The following PCDH15 variants were observed in gnomAD, a reference collection of about 807,000 sequenced individuals.
PCDH15 encodes protocadherin-15.
PCDH15 carries 129 observed loss-of-function variants against 178.5 expected under a neutral mutation model. The observed-to-expected ratio is 0.72, with a 90% CI of 0.63 to 0.84. The LOEUF is 0.84. Ranked by LOEUF, PCDH15 falls within the 40% of genes least tolerant of loss-of-function variation. PCDH15 has a pLI of 0.00. For synonymous variants in PCDH15, 800 were observed against 732.0 expected, an observed-to-expected ratio of 1.09 and a Z score of -1.50; for missense variants, 2,230 against 2,099.9, an observed-to-expected ratio of 1.06 and a Z score of -1.21.
At chr10:54,835,459 A>G (rs10430482) in intron 3 of PCDH15, among the ~76,000 whole-genome samples, 23,426 of 152,040 alleles carry the variant, frequency 0.15, 2,266 homozygotes, top group East Asian at 0.22. Flanking sequence ...ACATCCCTAT[A>G]CATATCCATA....
At chr10:54,978,106 CA>C (rs774842084) in intron 2 of PCDH15, among the ~76,000 whole-genome samples, 43 of 151,906 alleles carry the variant, frequency 2.8e-4, no homozygotes, top group Non-Finnish European at 5.4e-4. Context: ...ATATTGATGA[CA>C]AAATATTTTT....
chr10:55,328,450 A>G (rs571478658), intron 2 of PCDH15, among the ~76,000 whole-genome samples: 66 of 151,986 alleles, frequency 4.3e-4, no homozygotes, highest in African/African-American at 1.5e-3. Flanking sequence ...GGCAATTGAA[A>G]CACAATGGTA....
At chr10:55,217,204 C>G (rs117565303) in intron 1 of PCDH15, among the ~76,000 whole-genome samples, 2 of 151,850 alleles carry the variant, frequency 1.3e-5, no homozygotes, top group East Asian at 3.9e-4. Context: ...TTGGTCAACT[C>G]GAAAGAAATT....
chr10:53,825,563 T>C (rs1043600001), intron 32 of PCDH15, among the ~76,000 whole-genome samples: 4 of 151,674 alleles, frequency 2.6e-5, no homozygotes, highest in African/African-American at 7.2e-5. Context: ...AGAAAGTAAA[T>C]ATACAACTAC....
chr10:54,419,484 T>C (rs11004292), intron 3 of PCDH15, among the ~76,000 whole-genome samples: 20,943 of 152,086 alleles, frequency 0.14, 1,541 homozygotes, highest in Middle Eastern at 0.23. Context: ...TTAACTAGAT[T>C]CATTGCTTTA....
chr10:54,238,394 C>T (rs1355646216), intron 8 of PCDH15, among the ~76,000 whole-genome samples: 2 of 151,724 alleles, frequency 1.3e-5, no homozygotes, highest in Admixed American at 6.6e-5. Context: ...TAATTATTGA[C>T]CAATAATTTA....
At chr10:54,689,711 A>C (rs2095081332) in intron 1 of PCDH15, among the ~76,000 whole-genome samples, 1 of 152,238 alleles carries the variant, frequency 6.6e-6, no homozygotes, top group Non-Finnish European at 1.5e-5. Context: ...TACATAGAGC[A>C]GAAGGCAGTG....
At chr10:54,687,533 G>T (rs1433982579) in intron 1 of PCDH15, among the ~76,000 whole-genome samples, 1 of 151,970 alleles carries the variant, frequency 6.6e-6, no homozygotes, top group African/African-American at 2.4e-5. Context: ...GCTTGGCTAG[G>T]TCTAACCTTG....
intron 2 of PCDH15, among the ~76,000 whole-genome samples, chr10:55,618,002 A>T (rs2132167133): frequency 6.6e-6 from 1 of 152,210 alleles, no homozygotes; most frequent in African/African-American, 2.4e-5. Flanking sequence ...TAATGAAATC[A>T]AGATAAAATA....
At chr10:54,348,728 TAG>T (rs1303333541) in intron 5 of PCDH15, among the ~76,000 whole-genome samples, 1 of 152,164 alleles carries the variant, frequency 6.6e-6, no homozygotes, top group Non-Finnish European at 1.5e-5. Flanking sequence ...TTTTCAAAAA[TAG>T]ATAGTTATTA....
chr10:54,931,531 C>A (rs1458249538), intron 2 of PCDH15, among the ~76,000 whole-genome samples: 1 of 152,070 alleles, frequency 6.6e-6, no homozygotes, highest in African/African-American at 2.4e-5. Context: ...GCAGATTTGT[C>A]CACTTAATAT....
At chr10:54,286,559 C>A (rs998801785) in intron 8 of PCDH15, among the ~76,000 whole-genome samples, 3 of 152,208 alleles carry the variant, frequency 2.0e-5, no homozygotes, top group Non-Finnish European at 2.9e-5. Context: ...AACTACTTTA[C>A]AATAGAAATT....
At chr10:53,888,952 C>T (rs977472766) in intron 26 of PCDH15, among the ~76,000 whole-genome samples, 6 of 144,530 alleles carry the variant, frequency 4.2e-5, no homozygotes, top group Admixed American at 6.8e-5. Flanking sequence ...AGAGAGAACA[C>T]GTCAAGTAGA....
chr10:55,124,608 C>T lies in PCDH15; in HGVS notation c.-80+41968G>A, dbSNP rs117739788. Among the ~76,000 whole-genome samples the T allele has an allele frequency of 4.8e-3, 726 of 152,156 alleles. 7 individuals carry two copies. The highest frequency in any genetic ancestry group is 4.9e-3 in the Non-Finnish European group (330 of 67,988). ...ATAGACACAGGTTCTTTTCACAAGA[C>T]CATTACTTTATTCTCTGTCAGTGTT... On this transcript the variant is annotated intron_variant, in intron 2 of 5. Coordinates refer to the PCDH15 transcript ENST00000458638.
chr10:54,032,448 G>T (rs1231608322), intron 18 of PCDH15, among the ~76,000 whole-genome samples: 7 of 151,684 alleles, frequency 4.6e-5, no homozygotes, highest in Admixed American at 1.3e-4. Context: ...AATGACATAG[G>T]TTAGATATGC....
chr10:55,485,703 G>C (rs1277452411), intron 2 of PCDH15, among the ~76,000 whole-genome samples: 1 of 151,450 alleles, frequency 6.6e-6, no homozygotes, highest in Non-Finnish European at 1.5e-5. Flanking sequence ...TCCACGTTTA[G>C]TATAGCCATT....
intron 21 of PCDH15, among the ~76,000 whole-genome samples, chr10:53,975,218 A>G (rs878868104): frequency 2.0e-5 from 3 of 152,162 alleles, no homozygotes; most frequent in Non-Finnish European, 4.4e-5. Flanking sequence ...TGTCTTAGCT[A>G]TTGTGAAAAG....
chr10:53,894,791 C>G (rs2133541519), intron 26 of PCDH15, among the ~76,000 whole-genome samples: 1 of 152,282 alleles, frequency 6.6e-6, no homozygotes, highest in Middle Eastern at 3.4e-3. Context: ...GCACCTGCTT[C>G]TACAGCAATA....
At chr10:55,475,534 T>C (rs922878444) in intron 2 of PCDH15, among the ~76,000 whole-genome samples, 4 of 152,254 alleles carry the variant, frequency 2.6e-5, no homozygotes, top group Non-Finnish European at 5.9e-5. Flanking sequence ...AGTCCTGGTA[T>C]GATGCCATAA....
Sources: allele counts gnomAD v4.1 joint callset (sites outside exome capture counted in the v4.1 genomes callset), GRCh38; gene constraint gnomAD v4.1.1; transcripts MANE v1.5; gene names NCBI Gene and HGNC (gene_info 2026-07-23, HGNC 2026-07-21).